The following TMEM116 variants were observed in gnomAD, a reference collection of about 807,000 sequenced individuals.
TMEM116 encodes transmembrane protein 116.
In TMEM116, 38 loss-of-function variants were observed where a neutral mutation model predicts 44.3. That is an observed-to-expected ratio of 0.86 (90% CI 0.66 to 1.12). The LOEUF (loss-of-function observed/expected upper bound fraction) is 1.12, where lower values mean the gene tolerates loss of function less well. TMEM116 is among the 50% of genes most tolerant of loss of function. The pLI, the probability that TMEM116 is intolerant of heterozygous loss-of-function variation, is 0.00. For synonymous variants in TMEM116, 132 were observed against 144.8 expected, an observed-to-expected ratio of 0.91 and a Z score of 0.64; for missense variants, 354 against 401.7, an observed-to-expected ratio of 0.88 and a Z score of 1.01.
chr12:111,958,983 A>G lies in TMEM116; in HGVS notation c.211-15614T>C, dbSNP rs373884678. Among the ~76,000 whole-genome samples, 4 of 152,336 alleles carry G rather than the reference A, an allele frequency of 2.6e-5. No homozygotes were observed. In the East Asian group the frequency reaches 5.8e-4, roughly 22 times the overall value. On this transcript the variant is annotated intron_variant, in intron 4 of 10. Coordinates refer to ENST00000552374, the MANE Select transcript of TMEM116 (RefSeq NM_001193531.2). ...GCAAGACAGGCCAACATTCAAATTC[A>G]GGAAATACAGATACCACCACAAAGA...
chr12:111,939,615 T>C (rs2072500947), intron 5 of TMEM116, among the ~76,000 whole-genome samples: 1 of 148,278 alleles, frequency 6.7e-6, no homozygotes, highest in Non-Finnish European at 1.5e-5. Context: ...CTAGGCAACA[T>C]AGTATGACCT....
intron 4 of TMEM116, among the ~76,000 whole-genome samples, chr12:111,957,921 C>A (rs1037635901): frequency 6.6e-6 from 1 of 152,192 alleles, no homozygotes; most frequent in African/African-American, 2.4e-5. Flanking sequence ...CCATTTTGTT[C>A]TGTACTAGGA....
intron 2 of TMEM116, among the ~76,000 whole-genome samples, chr12:112,005,026 T>C (rs1278805007): frequency 6.6e-6 from 1 of 152,250 alleles, no homozygotes; most frequent in Non-Finnish European, 1.5e-5. Flanking sequence ...CAACTGATCC[T>C]GCTGACCAGG....
At chr12:112,004,651 C>G (rs2077477904) in intron 2 of TMEM116, among the ~76,000 whole-genome samples, 1 of 149,652 alleles carries the variant, frequency 6.7e-6, no homozygotes, top group Non-Finnish European at 1.5e-5. Flanking sequence ...AGAGGCCATG[C>G]CAATCTTTTT....
intron 4 of TMEM116, among the ~76,000 whole-genome samples, chr12:111,966,760 G>C (rs2075011214): frequency 6.6e-6 from 1 of 152,148 alleles, no homozygotes; most frequent in South Asian, 2.1e-4. Context: ...TGCAAACTAA[G>C]AGTGCTCCAG....
At chr12:111,969,405 T>A (rs1439293428) in intron 4 of TMEM116, among the ~76,000 whole-genome samples, 1 of 151,794 alleles carries the variant, frequency 6.6e-6, no homozygotes, top group Non-Finnish European at 1.5e-5. Context: ...TTTGTTTATT[T>A]ATTTTTTTTT....
At chr12:112,004,006 G>C in intron 2 of TMEM116, 143 bp from the exon 3 acceptor site, 5 of 1,227,604 alleles carry the variant, frequency 4.1e-6, no homozygotes, top group African/African-American at 1.6e-5. Context: ...TTAGACACAG[G>C]GTCTTGCTAT....
chr12:111,935,723 C>G (rs906305251), intron 8 of TMEM116: 1 of 151,264 alleles, frequency 6.6e-6, no homozygotes, highest in South Asian at 2.1e-4. Flanking sequence ...TTACTGTGAC[C>G]TCTGTCTCCT....
intron 2 of TMEM116, 59 bp downstream of exon 2, chr12:112,005,198 T>C: frequency 8.3e-7 from 1 of 1,204,170 alleles, no homozygotes; most frequent in Non-Finnish European, 1.1e-6. Flanking sequence ...TGTGGAAAAC[T>C]ACAGAATTGA....
chr12:111,971,190 G>T (rs2075312210), intron 4 of TMEM116, among the ~76,000 whole-genome samples: 1 of 142,372 alleles, frequency 7.0e-6, no homozygotes, highest in Admixed American at 6.9e-5. Context: ...AATATTGATT[G>T]GAAATCAGGG....
intron 4 of TMEM116, among the ~76,000 whole-genome samples, chr12:111,984,625 GA>G (rs1460568389): frequency 1.3e-5 from 2 of 151,590 alleles, no homozygotes; most frequent in Non-Finnish European, 1.5e-5. Flanking sequence ...TAACACAAAG[GA>G]AAAAGGGTGA....
At chr12:111,946,461 T>C (rs1185367204) in intron 4 of TMEM116, among the ~76,000 whole-genome samples, 2 of 152,246 alleles carry the variant, frequency 1.3e-5, no homozygotes, top group Non-Finnish European at 2.9e-5. Flanking sequence ...AGATGGGCTC[T>C]GGCTAGTTAT....
intron 4 of TMEM116, among the ~76,000 whole-genome samples, chr12:111,982,107 A>T (rs2075974467): frequency 6.6e-6 from 1 of 152,132 alleles, no homozygotes; most frequent in Admixed American, 6.6e-5. Flanking sequence ...AAAGTTCAGG[A>T]CATCTATTGT....
intron 4 of TMEM116, among the ~76,000 whole-genome samples, chr12:111,954,019 A>C (rs2073918864): frequency 6.6e-6 from 1 of 152,232 alleles, no homozygotes; most frequent in Non-Finnish European, 1.5e-5. Context: ...TATTAACCCT[A>C]GTTTAATGTT....
In TMEM116 at chr12:111,940,523, GTATATA is replaced by G. The variant is rs759583297; in HGVS notation, c.316-2319_316-2314del. On this transcript the variant is annotated intron_variant, in intron 5 of 10. Transcript: ENST00000552374. ...CATATATATACACACATATATATGT[GTATATA>G]TATATATATATATATACACACACAC... 2.4e-3 allele frequency among the ~76,000 whole-genome samples: 251 copies of G among 104,914 alleles called. 3 individuals are homozygous for G. The highest frequency in any genetic ancestry group is 9.6e-3 in the African/African-American group (214 of 22,264). 68.8% of individuals were successfully genotyped at this position (104,914 alleles called of 152,430 possible).
At chr12:111,969,569 G>A (rs1593451112) in intron 4 of TMEM116, among the ~76,000 whole-genome samples, 1 of 151,386 alleles carries the variant, frequency 6.6e-6, no homozygotes, top group African/African-American at 2.4e-5. Context: ...CATCATACCC[G>A]GCTAATTTTT....
chr12:111,955,647 C>T (rs2074032684), intron 4 of TMEM116, among the ~76,000 whole-genome samples: 1 of 152,208 alleles, frequency 6.6e-6, no homozygotes, highest in Non-Finnish European at 1.5e-5. Context: ...GAAAACAGCA[C>T]ATCTCAGCCT....
intron 3 of TMEM116, among the ~76,000 whole-genome samples, chr12:111,998,967 T>G (rs903284743): frequency 2.0e-5 from 3 of 152,104 alleles, no homozygotes; most frequent in Non-Finnish European, 4.4e-5. Flanking sequence ...GGAGATAAAG[T>G]TCAATCAATT....
At chr12:111,998,676 C>A (rs1471610442) in intron 3 of TMEM116, among the ~76,000 whole-genome samples, 1 of 152,078 alleles carries the variant, frequency 6.6e-6, no homozygotes, top group Non-Finnish European at 1.5e-5. Flanking sequence ...AAAAAATTAG[C>A]CAGGCATGGT....
Sources: allele counts gnomAD v4.1 joint callset (sites outside exome capture counted in the v4.1 genomes callset), GRCh38; gene constraint gnomAD v4.1.1; transcripts MANE v1.5; gene names NCBI Gene and HGNC (gene_info 2026-07-23, HGNC 2026-07-21).